The following DAB1 variants were observed in gnomAD, a reference collection of about 807,000 sequenced individuals.
The protein encoded by DAB1 is DAB adaptor protein 1.
DAB1 carries 15 observed loss-of-function variants against 64.6 expected under a neutral mutation model. The observed-to-expected ratio is 0.23, with a 90% CI of 0.16 to 0.36. The LOEUF is 0.36. Among genes scored for constraint, DAB1 ranks in the 10% least tolerant of loss-of-function variants. The probability of loss-of-function intolerance (pLI) is 1.00; values close to 1 mark genes in which losing one functional copy is unlikely to be tolerated. For missense variants in DAB1, 596 were observed against 706.7 expected (o/e 0.84, Z 1.78); for synonymous variants, 235 against 251.9 (o/e 0.93, Z 0.64).
intron 3 of DAB1, among the ~76,000 whole-genome samples, chr1:58,432,076 T>C (rs1470097921): frequency 6.6e-6 from 1 of 152,184 alleles, no homozygotes; most frequent in East Asian, 1.9e-4. Context: ...ATGCCAAGAA[T>C]GCCGTCTCCA....
chr1:57,690,602 C>G (rs995473069), intron 6 of DAB1, among the ~76,000 whole-genome samples: 1 of 152,132 alleles, frequency 6.6e-6, no homozygotes, highest in East Asian at 1.9e-4. Context: ...TTATAAATTA[C>G]TCAGTCTCAG....
At chr1:58,263,587 A>G (rs566487218) in intron 4 of DAB1, among the ~76,000 whole-genome samples, 9 of 152,330 alleles carry the variant, frequency 5.9e-5, no homozygotes, top group Admixed American at 5.2e-4. Context: ...TTGCTAGACC[A>G]TAAGTTCTGA....
At chr1:57,533,640 C>T (rs1043881659) in intron 7 of DAB1, among the ~76,000 whole-genome samples, 1 of 148,684 alleles carries the variant, frequency 6.7e-6, no homozygotes, top group African/African-American at 2.5e-5. Flanking sequence ...AACTATCTAC[C>T]TACCTACCAT....
intron 1 of DAB1, among the ~76,000 whole-genome samples, chr1:57,353,114 T>TACAC (rs10572319): frequency 0.024 from 3,520 of 145,606 alleles, 58 homozygotes; most frequent in African/African-American, 0.049. Context: ...TTTTTTTCCA[T>TACAC]ACACACACAC....
chr1:57,519,282 A>G lies in DAB1; in HGVS notation n.625+130310T>C, dbSNP rs116342197. 5.1e-3 allele frequency among the ~76,000 whole-genome samples: 778 copies of G among 152,278 alleles called. 10 individuals carry two copies. Among genetic ancestry groups the G allele is most frequent in the African/African-American group, 0.018 (749 of 41,556 alleles). On this transcript the variant is annotated intron_variant and non_coding_transcript_variant, in intron 7 of 20. Transcript: ENST00000485760. Reference sequence around the variant, plus strand: ...AGGCACAGGGAAGTAACCTGTCCAAAGTCACATGACAGGTGGGCAAGTTGA... The same window carrying G: ...AGGCACAGGGAAGTAACCTGTCCAAGGTCACATGACAGGTGGGCAAGTTGA...
intron 4 of DAB1, among the ~76,000 whole-genome samples, chr1:57,110,482 A>G (rs561002214): frequency 1.7e-4 from 26 of 152,354 alleles, no homozygotes; most frequent in African/African-American, 6.0e-4. Flanking sequence ...TCATTCAGTG[A>G]CAACAAGGTT....
intron 5 of DAB1, among the ~76,000 whole-genome samples, chr1:58,007,783 T>C (rs949990073): frequency 2.0e-5 from 3 of 152,032 alleles, no homozygotes; most frequent in African/African-American, 7.2e-5. Context: ...TGGATCTAAA[T>C]GAAAAATAGG....
At chr1:57,601,838 G>A (rs1645579145) in intron 7 of DAB1, among the ~76,000 whole-genome samples, 1 of 152,074 alleles carries the variant, frequency 6.6e-6, no homozygotes, top group African/African-American at 2.4e-5. Flanking sequence ...GTGTGTGTGT[G>A]TACAAGGCAC....
At chr1:57,937,398 A>G (rs2102046035) in intron 5 of DAB1, among the ~76,000 whole-genome samples, 1 of 152,252 alleles carries the variant, frequency 6.6e-6, no homozygotes, top group South Asian at 2.1e-4. Flanking sequence ...AAGCCAAACT[A>G]TGCTCATGAG....
At chr1:57,690,994 G>A (rs1646757028) in intron 6 of DAB1, among the ~76,000 whole-genome samples, 1 of 152,036 alleles carries the variant, frequency 6.6e-6, no homozygotes, top group Non-Finnish European at 1.5e-5. Context: ...TGGGATCATT[G>A]AATTTTTTTC....
chr1:57,627,828 G>T (rs1301802977), intron 7 of DAB1, among the ~76,000 whole-genome samples: 1 of 152,136 alleles, frequency 6.6e-6, no homozygotes, highest in Non-Finnish European at 1.5e-5. Flanking sequence ...AATTACTGAG[G>T]GTGGGGTGGG....
At chr1:57,382,821 TC>T (rs1454915312) in intron 1 of DAB1, among the ~76,000 whole-genome samples, 2 of 152,150 alleles carry the variant, frequency 1.3e-5, no homozygotes, top group East Asian at 3.9e-4. Context: ...AGTCTCTTTT[TC>T]CATATAAGAA....
intron 7 of DAB1, among the ~76,000 whole-genome samples, chr1:57,630,548 C>G (rs577539972): frequency 6.6e-6 from 1 of 152,268 alleles, no homozygotes; most frequent in Admixed American, 6.5e-5. Context: ...AAAAGTTACT[C>G]TGTTTTTAGA....
intron 6 of DAB1, among the ~76,000 whole-genome samples, chr1:57,724,279 G>C (rs534919379): frequency 3.9e-4 from 40 of 102,880 alleles, no homozygotes; most frequent in African/African-American, 1.8e-3. Context: ...AGGAAGGAAG[G>C]AAGGAACGAA....
At chr1:57,418,445 A>C (rs578202679) in intron 1 of DAB1, among the ~76,000 whole-genome samples, 1 of 152,342 alleles carries the variant, frequency 6.6e-6, no homozygotes, top group East Asian at 1.9e-4. Flanking sequence ...GAGACTGACC[A>C]ACAAAGAAAA....
At chr1:57,798,580 T>C (rs1650979282) in intron 6 of DAB1, among the ~76,000 whole-genome samples, 1 of 152,230 alleles carries the variant, frequency 6.6e-6, no homozygotes, top group Non-Finnish European at 1.5e-5. Flanking sequence ...GAATATTACA[T>C]TCATGTGGTC....
chr1:57,428,199 A>G (rs1314870128), upstream of DAB1, among the ~76,000 whole-genome samples: 1 of 152,130 alleles, frequency 6.6e-6, no homozygotes, highest in Non-Finnish European at 1.5e-5. Flanking sequence ...CTCTTAGAAA[A>G]TTTCAAGTAC....
In DAB1 at chr1:57,506,127, A is replaced by G. The variant is rs376933047; in HGVS notation, n.625+143465T>C. ...TAGGGGAAGCCCTTCTTGCGGTGCCAGAGTCCTCCTGAGCCCAGCAGGGCT... is the reference window on the plus strand; with the variant it reads ...TAGGGGAAGCCCTTCTTGCGGTGCCGGAGTCCTCCTGAGCCCAGCAGGGCT... On this transcript the variant is annotated intron_variant and non_coding_transcript_variant, in intron 7 of 20. Coordinates refer to the DAB1 transcript ENST00000485760. Among the ~76,000 whole-genome samples, 4 of 152,318 alleles carry G rather than the reference A, an allele frequency of 2.6e-5. No homozygotes were observed. In the East Asian group the frequency reaches 5.8e-4, roughly 22 times the overall value.
At position 57,695,355 on chromosome 1, in the gene DAB1, A is replaced by AG. The variant is rs1557427724; in HGVS notation, n.552-45691_552-45690insC. 2.4e-3 allele frequency among the ~76,000 whole-genome samples: 83 copies of AG among 33,894 alleles called. 1 individual carries two copies. Among genetic ancestry groups the AG allele is most frequent in the African/African-American group, 6.3e-3 (77 of 12,146 alleles). 22.2% of individuals were successfully genotyped at this position (33,894 alleles called of 152,430 possible). ...AAGAAAGAAAGAAAGAAAGAAAGAA[A>AG]AGAAAGAAGAAAGAAAGAAAGAAAG... On this transcript the variant is annotated intron_variant and non_coding_transcript_variant, in intron 6 of 20. Coordinates refer to the DAB1 transcript ENST00000485760.
Sources: gnomAD v4.1 joint callset for allele counts (sites outside exome capture counted in the v4.1 genomes callset) on GRCh38, gnomAD v4.1.1 for gene constraint, MANE v1.5 for transcripts, NCBI Gene and HGNC (gene_info 2026-07-23, HGNC 2026-07-21) for gene names.